SPAG16: variants seen among roughly 807,000 people sequenced by gnomAD.
The protein encoded by SPAG16 is sperm associated antigen 16.
SPAG16 carries 86 observed loss-of-function variants against 80.4 expected under a neutral mutation model. The ratio of observed to expected loss-of-function variants is 1.07; its 90% CI spans 0.90 to 1.28. The LOEUF (loss-of-function observed/expected upper bound fraction) is 1.28. Among genes scored for constraint, SPAG16 ranks in the 50% most tolerant of loss-of-function variants. The pLI is 0.00. For synonymous variants in SPAG16, 294 were observed against 265.9 expected, an observed-to-expected ratio of 1.11 and a Z score of -1.03; for missense variants, 870 against 765.3, an observed-to-expected ratio of 1.14 and a Z score of -1.61.
At chr2:213,720,155 G>C (rs373422455) in intron 10 of SPAG16, among the ~76,000 whole-genome samples, 1 of 152,100 alleles carries the variant, frequency 6.6e-6, no homozygotes, top group East Asian at 1.9e-4. Flanking sequence ...ATGGGCACAC[G>C]GAGGGGAACA....
At chr2:214,283,653 T>C (rs1016194245) in intron 15 of SPAG16, among the ~76,000 whole-genome samples, 2 of 152,170 alleles carry the variant, frequency 1.3e-5, no homozygotes, top group Admixed American at 6.5e-5. Context: ...TAGCCAAAAT[T>C]TAGAAGAAAG....
intron 6 of SPAG16, among the ~76,000 whole-genome samples, chr2:213,348,307 A>G (rs1575303205): frequency 6.6e-6 from 1 of 152,158 alleles, no homozygotes; most frequent in African/African-American, 2.4e-5. Flanking sequence ...ATGCAACACA[A>G]TGATGGGTCT....
chr2:214,016,546 G>A (rs978129131), intron 13 of SPAG16, among the ~76,000 whole-genome samples: 2 of 152,138 alleles, frequency 1.3e-5, no homozygotes, highest in East Asian at 3.9e-4. Context: ...CTTTCAAACA[G>A]TTTGGCTGTG....
chr2:213,806,452 G>A (rs2071774186), intron 10 of SPAG16, among the ~76,000 whole-genome samples: 2 of 152,084 alleles, frequency 1.3e-5, no homozygotes, highest in South Asian at 2.1e-4. Flanking sequence ...TAATGGTAAA[G>A]ATGGAAAATA....
intron 15 of SPAG16, chr2:214,239,452 A>G (rs1360014817): frequency 6.6e-6 from 1 of 152,188 alleles, no homozygotes; most frequent in Non-Finnish European, 1.5e-5. Flanking sequence ...CATTTTCAAA[A>G]TGAGATAGCT....
chr2:214,168,770 T>C (rs543054164), intron 15 of SPAG16, among the ~76,000 whole-genome samples: 1 of 152,190 alleles, frequency 6.6e-6, no homozygotes, highest in Admixed American at 6.6e-5. Flanking sequence ...GAAATTAAGA[T>C]AACGCTGAAT....
intron 12 of SPAG16, among the ~76,000 whole-genome samples, chr2:213,957,761 T>C (rs1008916868): frequency 6.6e-6 from 1 of 152,228 alleles, no homozygotes; most frequent in Non-Finnish European, 1.5e-5. Flanking sequence ...TTTATAGCTA[T>C]TTTCTTTGTG....
At chr2:214,169,855 T>A (rs2125630166) in intron 15 of SPAG16, among the ~76,000 whole-genome samples, 1 of 152,026 alleles carries the variant, frequency 6.6e-6, no homozygotes, top group Middle Eastern at 3.4e-3. Flanking sequence ...ATCCTGGGGA[T>A]AAAAAGGGAA....
At chr2:214,050,118 T>A (rs1322975914) in intron 13 of SPAG16, among the ~76,000 whole-genome samples, 1 of 152,030 alleles carries the variant, frequency 6.6e-6, no homozygotes, top group African/African-American at 2.4e-5. Context: ...GAGCTCCTCT[T>A]AGTGGGAAGA....
intron 10 of SPAG16, among the ~76,000 whole-genome samples, chr2:213,687,762 G>A (rs1219459156): frequency 6.6e-6 from 1 of 152,138 alleles, no homozygotes; most frequent in Non-Finnish European, 1.5e-5. Flanking sequence ...GTTGAAGTTT[G>A]ATATGATTCT....
intron 9 of SPAG16, among the ~76,000 whole-genome samples, chr2:213,382,423 T>G (rs2067219497): frequency 6.6e-6 from 1 of 152,152 alleles, no homozygotes; most frequent in Non-Finnish European, 1.5e-5. Context: ...AACATGCCTT[T>G]TCTCCAGAAG....
At chr2:214,284,536 A>C (rs1408192318) in intron 15 of SPAG16, among the ~76,000 whole-genome samples, 2 of 152,242 alleles carry the variant, frequency 1.3e-5, no homozygotes, top group African/African-American at 2.4e-5. Flanking sequence ...AACTACAGGT[A>C]GGAGACCCTC....
At position 213,442,559 on chromosome 2, in the gene SPAG16, A is replaced by G. The variant is rs189951467; in HGVS notation, c.943-47404A>G. ...GTAATTAAGACAGTGTGGTACTGGC[A>G]AAAGAATAGACAAATAGATCACTGG... is the stretch of plus-strand genomic sequence containing the variant. On this transcript the variant is annotated intron_variant, in intron 9 of 15. Transcript: ENST00000331683. 2.3e-3 allele frequency among the ~76,000 whole-genome samples: 350 copies of G among 152,366 alleles called. 4 individuals carry two copies. Among genetic ancestry groups the G allele is most frequent in the African/African-American group, 8.2e-3 (339 of 41,586 alleles).
rs190568778 is a variant in SPAG16, at chr2:214,031,172, G to C, written c.1527+17095G>C. On this transcript the variant is annotated intron_variant, in intron 13 of 15. Transcript: ENST00000331683. ...TAACAGACAGAACCCTCAGCTGCAG[G>C]TCTGTTGGAGTTTGCTAGAGGTCCA... 7.1e-3 allele frequency among the ~76,000 whole-genome samples: 1,076 copies of C among 151,962 alleles called. 15 individuals carry two copies. Among genetic ancestry groups the C allele is most frequent in the African/African-American group, 0.024 (1,005 of 41,420 alleles).
At chr2:213,574,063 A>G (rs1377070500) in intron 10 of SPAG16, among the ~76,000 whole-genome samples, 1 of 152,198 alleles carries the variant, frequency 6.6e-6, no homozygotes, top group Non-Finnish European at 1.5e-5. Flanking sequence ...AAAAAAAGAA[A>G]TAAATAACTT....
chr2:214,035,522 G>A (rs1228295784), intron 13 of SPAG16, among the ~76,000 whole-genome samples: 1 of 152,238 alleles, frequency 6.6e-6, no homozygotes, highest in Non-Finnish European at 1.5e-5. Context: ...GGACTGGCAT[G>A]TCAGTGCTGC....
chr2:213,668,581 G>T (rs1248515105), intron 10 of SPAG16, among the ~76,000 whole-genome samples: 1 of 151,970 alleles, frequency 6.6e-6, no homozygotes, highest in Non-Finnish European at 1.5e-5. Flanking sequence ...TGGGTATCAG[G>T]TTGCATTATT....
rs559848950 is a variant in SPAG16 at position 213,646,920 on chromosome 2, C to G, written c.1070+156830C>G. Among the ~76,000 whole-genome samples, 3 of 152,110 alleles carry G rather than the reference C, an allele frequency of 2.0e-5. No individual in the cohort carries two copies. In the South Asian group the frequency reaches 6.2e-4, roughly 32 times the overall value. ...TTATAAATCCACAAAATGAATATAC[C>G]ACAATGACACACAACAGCATGCATG... On this transcript the variant is annotated intron_variant, in intron 10 of 15. Coordinates refer to ENST00000331683, the MANE Select transcript of SPAG16 (RefSeq NM_024532.5).
intron 10 of SPAG16, among the ~76,000 whole-genome samples, chr2:213,540,298 C>T (rs997962588): frequency 5.3e-5 from 8 of 152,246 alleles, no homozygotes; most frequent in Non-Finnish European, 1.0e-4. Context: ...GATCCACACG[C>T]CTTGGCCTCC....
Sources: gnomAD v4.1 joint callset for allele counts (sites outside exome capture counted in the v4.1 genomes callset) on GRCh38, gnomAD v4.1.1 for gene constraint, MANE v1.5 for transcripts, NCBI Gene and HGNC (gene_info 2026-07-23, HGNC 2026-07-21) for gene names.